CES5A: variants seen among roughly 807,000 people sequenced by gnomAD.
CES5A encodes carboxylesterase 5.
CES5A carries 67 observed loss-of-function variants against 62.9 expected under a neutral mutation model. The ratio of observed to expected loss-of-function variants is 1.07; its 90% CI spans 0.88 to 1.31. CES5A has a LOEUF of 1.31. Among genes scored for constraint, CES5A ranks in the 50% most tolerant of loss-of-function variants. CES5A has a pLI of 0.00. For synonymous variants in CES5A, 296 were observed against 280.8 expected (o/e 1.05, Z -0.54); for missense variants, 748 against 708.5 (o/e 1.06, Z -0.63).
At chr16:55,955,872 A>T in exon 1 of CES5A, 3 of 1,536,032 alleles carry the variant, frequency 2.0e-6, no homozygotes, top group Non-Finnish European at 2.6e-6. Context: ...AGCAGGGCAA[A>T]CCAGAACAGC....
At chr16:55,919,532 C>G (rs187070801) in intron 1 of CES5A, among the ~76,000 whole-genome samples, 5 of 152,182 alleles carry the variant, frequency 3.3e-5, no homozygotes, top group African/African-American at 4.8e-5. Flanking sequence ...AGCCCAGAAC[C>G]CTGCACCCTC....
intron 1 of CES5A, among the ~76,000 whole-genome samples, chr16:55,952,093 C>A (rs1597165171): frequency 6.6e-6 from 1 of 152,056 alleles, no homozygotes; most frequent in Non-Finnish European, 1.5e-5. Flanking sequence ...GACAGGTTAC[C>A]ATCTGGGACA....
In CES5A at chr16:55,901,143, C is replaced by T. The variant is rs142833837; in HGVS notation, c.-256+24180G>A. 1.2e-3 allele frequency among the ~76,000 whole-genome samples: 178 copies of T among 152,252 alleles called. 1 individual carries two copies. Among genetic ancestry groups the T allele is most frequent in the African/African-American group, 3.6e-3 (151 of 41,550 alleles). On this transcript the variant is annotated intron_variant, in intron 1 of 12. Transcript: ENST00000518005. ...GGGTGGGTCTTTCCCATGCTGTTCT[C>T]ATGATAGTGACTAAGTCTCACAAGA...
intron 1 of CES5A, among the ~76,000 whole-genome samples, chr16:55,899,969 T>G (rs947546143): frequency 6.6e-6 from 1 of 152,184 alleles, no homozygotes; most frequent in African/African-American, 2.4e-5. Flanking sequence ...TTTTTAAAAT[T>G]TGCAAGCTAT....
In CES5A at chr16:55,886,814, A is replaced by T. The variant is rs183251643; in HGVS notation, c.-255-12777T>A. 1.5e-3 allele frequency among the ~76,000 whole-genome samples: 230 copies of T among 151,938 alleles called. 3 individuals carry two copies. The highest frequency in any genetic ancestry group is 5.3e-3 in the African/African-American group (220 of 41,436). ...CACAGCATCCTTTGTCAACAATACCACCTGAGGGCTCTTGCCTAATCTGTA... is the reference window on the plus strand; with the variant it reads ...CACAGCATCCTTTGTCAACAATACCTCCTGAGGGCTCTTGCCTAATCTGTA... On this transcript the variant is annotated intron_variant, in intron 1 of 12. Transcript: ENST00000518005.
rs1170954689 is a variant in CES5A, at chr16:55,873,905, G to T, written c.206C>A (p.Ser69Tyr). ...GVPFAAPPLGSLRFTNPQPAS... is the reference protein window; with the variant it reads ...GVPFAAPPLGYLRFTNPQPAS... ...AGGCTGCGGGTTCGTAAATCGCAGG[G>T]ATCCCAGCGGGGGAGCAGCAAAGGG... Residue 69 changes from serine (S) to tyrosine (Y), a missense_variant, in exon 2 of 13, where the codon TCC (serine) becomes TAC (tyrosine). By Grantham distance (144) the Ser-to-Tyr change is moderately radical. Coordinates refer to ENST00000290567, the MANE Select transcript of CES5A (RefSeq NM_001143685.2). 6.2e-7 allele frequency: 1 copy of T among 1,613,896 alleles called. No individual in the cohort carries two copies. Among genetic ancestry groups the T allele is most frequent in the Non-Finnish European group, 8.5e-7 (1 of 1,180,006 alleles).
At chr16:55,950,384 G>A (rs531667731) in intron 1 of CES5A, among the ~76,000 whole-genome samples, 62 of 152,314 alleles carry the variant, frequency 4.1e-4, no homozygotes, top group Middle Eastern at 3.4e-3. Context: ...AGTCTAATTA[G>A]TATTCTCATG....
chr16:55,938,735 C>A (rs1350511810), intron 2 of CES5A, among the ~76,000 whole-genome samples: 27 of 29,128 alleles, frequency 9.3e-4, no homozygotes, highest in African/African-American at 5.3e-3. Context: ...GACTCCATCT[C>A]AAAAAAAAAA....
intron 2 of CES5A, among the ~76,000 whole-genome samples, chr16:55,872,061 A>G (rs183946282): frequency 9.9e-4 from 150 of 152,268 alleles, no homozygotes; most frequent in Non-Finnish European, 1.8e-3. Flanking sequence ...CCACCACCAT[A>G]ATATAGACAC....
At chr16:55,913,893 TC>T (rs1352928315) in intron 1 of CES5A, among the ~76,000 whole-genome samples, 1 of 152,128 alleles carries the variant, frequency 6.6e-6, no homozygotes, top group Non-Finnish European at 1.5e-5. Context: ...TCCACACTGT[TC>T]CCACGTCATG....
intron 1 of CES5A, among the ~76,000 whole-genome samples, chr16:55,902,058 T>G (rs1306828579): frequency 6.6e-6 from 1 of 152,198 alleles, no homozygotes; most frequent in African/African-American, 2.4e-5. Context: ...TCAGCCTTTT[T>G]GACTGTGCAT....
At chr16:55,948,308 C>T (rs1213220768) in intron 2 of CES5A, among the ~76,000 whole-genome samples, 1 of 152,154 alleles carries the variant, frequency 6.6e-6, no homozygotes, top group Admixed American at 6.5e-5. Flanking sequence ...CTTTGATTAG[C>T]ACTCACTGAA....
intron 6 of CES5A, among the ~76,000 whole-genome samples, chr16:55,862,778 A>G (rs2033379128): frequency 6.6e-6 from 1 of 152,222 alleles, no homozygotes; most frequent in Non-Finnish European, 1.5e-5. Context: ...TTCATCCGGA[A>G]CACTTATGGC....
chr16:55,901,843 A>T (rs969990301), intron 1 of CES5A, among the ~76,000 whole-genome samples: 2 of 152,080 alleles, frequency 1.3e-5, no homozygotes, highest in Non-Finnish European at 2.9e-5. Flanking sequence ...CTTATATATC[A>T]GTGGGTTTTA....
At chr16:55,890,198 G>A (rs924085923) in intron 1 of CES5A, among the ~76,000 whole-genome samples, 9 of 151,116 alleles carry the variant, frequency 6.0e-5, no homozygotes, top group Non-Finnish European at 1.3e-4. Flanking sequence ...AAGAAAGGCA[G>A]AAAGCTTAAG....
At chr16:55,869,501 G>T in intron 4 of CES5A, 110 bp downstream of exon 4, 1 of 1,406,188 alleles carries the variant, frequency 7.1e-7, no homozygotes, top group Non-Finnish European at 9.3e-7. Context: ...GGCCAGTTTT[G>T]TTCATTGTCC....
chr16:55,873,733 C>T (rs529225957), intron 2 of CES5A, 100 bp downstream of exon 2: 13 of 1,077,236 alleles, frequency 1.2e-5, no homozygotes, highest in East Asian at 2.5e-5. Context: ...CCTCCTCCCC[C>T]ATCCATGCCA....
intron 8 of CES5A, among the ~76,000 whole-genome samples, chr16:55,858,073 C>T (rs1325008090): frequency 6.6e-6 from 1 of 152,128 alleles, no homozygotes; most frequent in Non-Finnish European, 1.5e-5. Flanking sequence ...GTGGTGGGTG[C>T]CTGTAATCCC....
intron 10 of CES5A, among the ~76,000 whole-genome samples, chr16:55,851,486 C>G (rs1367764932): frequency 6.6e-6 from 1 of 152,132 alleles, no homozygotes; most frequent in African/African-American, 2.4e-5. Context: ...AAAACAACAA[C>G]AGAAGAAAAT....
Sources: gnomAD v4.1 joint callset for allele counts (sites outside exome capture counted in the v4.1 genomes callset) on GRCh38, gnomAD v4.1.1 for gene constraint, MANE v1.5 for transcripts, NCBI Gene and HGNC (gene_info 2026-07-23, HGNC 2026-07-21) for gene names.